NOD1: variants seen among roughly 807,000 people sequenced by gnomAD.
NOD1 encodes nucleotide binding oligomerization domain containing 1.
In NOD1, 70 loss-of-function variants were observed where a neutral mutation model predicts 81.2. The observed-to-expected ratio is 0.86, with a 90% CI of 0.71 to 1.05. The LOEUF (loss-of-function observed/expected upper bound fraction) is 1.05. NOD1 is among the 50% of genes least tolerant of loss of function. The pLI is 0.00. For missense variants in NOD1, 1,233 were observed against 1,228.0 expected, an observed-to-expected ratio of 1.00 and a Z score of -0.06; for synonymous variants, 508 against 526.9, an observed-to-expected ratio of 0.96 and a Z score of 0.49.
At chr7:30,447,081 C>T in intron 7 of NOD1, 31 bp from the exon 8 acceptor site, 1 of 1,613,342 alleles carries the variant, frequency 6.2e-7, no homozygotes. Flanking sequence ...ATGAGACTTT[C>T]TGGCTCCTGA....
Position 30,451,913 on chromosome 7 carries a change from G to A in NOD1, c.1504C>T (p.Pro502Ser). 6.2e-7 allele frequency: 1 copy of A among 1,613,528 alleles called. No homozygotes were observed. The highest frequency in any genetic ancestry group is 8.5e-7 in the Non-Finnish European group (1 of 1,179,954). ...DMQLGFLRAL[P>S]ELGPGGDQQS... The stretch of plus-strand genomic sequence containing the variant: ...TGGTCACCCCCGGGGCCCAGCTCCG[G>A]CAAAGCCCGCAGGAAGCCCAGCTGC... The change falls in exon 6 of 14, where the codon CCG becomes TCG. Residue 502 changes from proline to serine, a missense_variant. Coordinates refer to ENST00000222823, the MANE Select transcript of NOD1 (RefSeq NM_006092.4). The surrounding 1 kb of genome is among the most constrained non-coding windows in gnomAD (Gnocchi z 4.2).
chr7:30,448,049 A>G, intron 7 of NOD1: 1 of 501,842 alleles, frequency 2.0e-6, no homozygotes, highest in Non-Finnish European at 3.6e-6. Context: ...TGCATCCCCC[A>G]ATAACCAGTT....
chr7:30,475,700 A>ACAGGAATCTCTGCC lies in NOD1; in HGVS notation c.-352+2892_-352+2905dup, dbSNP rs1382796151. 2.0e-5 allele frequency: 3 copies of ACAGGAATCTCTGCC among 152,254 alleles called. No homozygotes were observed. The East Asian group carries it at 5.8e-4, about 29-fold the overall frequency. 9.4% of individuals were successfully genotyped at this position (152,254 alleles called of 1,614,324 possible). A position where few individuals can be genotyped will look rare whatever the true frequency, so the allele number is the denominator to read the frequency against. On this transcript the variant is annotated intron_variant, in intron 1 of 13. Coordinates refer to ENST00000222823, the MANE Select transcript of NOD1 (RefSeq NM_006092.4). ...GCATGCCTGCCTTAGCCAACTCTGCACAGGAATCTCTGCCCACAGTTTGGA... is the reference window on the plus strand; with the variant it reads ...GCATGCCTGCCTTAGCCAACTCTGCACAGGAATCTCTGCCCAGGAATCTCTGCCCACAGTTTGGA...
At chr7:30,431,907 C>G (rs947682407) in intron 12 of NOD1, among the ~76,000 whole-genome samples, 1 of 152,158 alleles carries the variant, frequency 6.6e-6, no homozygotes, top group Non-Finnish European at 1.5e-5. Context: ...GAGTTCAAGA[C>G]CAGCCTGGGC....
chr7:30,446,124 C>T lies in NOD1; in HGVS notation c.2453+17G>A, dbSNP rs527328542. 1.7e-5 allele frequency: 27 copies of T among 1,597,952 alleles called. No homozygotes were observed. In the South Asian group the frequency reaches 2.9e-4, roughly 17 times the overall value. ...CACAGCAGGTTGTACCACATACATC[C>T]ATCCCCTTCTACTCACCCAACCTCA... is the stretch of plus-strand genomic sequence containing the variant. On this transcript the variant is annotated intron_variant, in intron 9 of 13. Coordinates refer to ENST00000222823, the MANE Select transcript of NOD1 (RefSeq NM_006092.4).
intron 4 of NOD1, among the ~76,000 whole-genome samples, chr7:30,456,381 C>T (rs1295786723): frequency 6.6e-6 from 1 of 152,166 alleles, no homozygotes; most frequent in Non-Finnish European, 1.5e-5. Flanking sequence ...GCCCTCCAGC[C>T]TTCAGAGGCA....
intron 9 of NOD1, among the ~76,000 whole-genome samples, chr7:30,438,102 GAC>G (rs1199081017): frequency 1.3e-5 from 2 of 152,210 alleles, no homozygotes; most frequent in Non-Finnish European, 2.9e-5. Context: ...CATTCCTGAA[GAC>G]ACAGTCTTCC....
intron 4 of NOD1, among the ~76,000 whole-genome samples, chr7:30,456,484 C>A (rs768668247): frequency 1.4e-4 from 21 of 152,164 alleles, no homozygotes; most frequent in Non-Finnish European, 2.9e-4. Context: ...GTCTGGGAAC[C>A]AATACACACA....
Position 30,437,576 on chromosome 7 carries a change from A to T in NOD1, c.2534T>A (p.Leu845Gln), listed in dbSNP as rs1365146191. ...GAGACAGCAGGGCCACAGTTACCTC[A>T]GGGTGGTCAAGCTGGGGTGGTTCCG... ...ALRNHPSLTT[L>Q]SLASNGISTE... Residue 845 changes from leucine to glutamine, a missense_variant, in exon 10 of 14, where the codon CTG becomes CAG. Transcript: ENST00000222823. 6.6e-7 allele frequency: 1 copy of T among 1,504,262 alleles called. No individual in the cohort carries two copies. Among genetic ancestry groups the T allele is most frequent in the Non-Finnish European group, 8.8e-7 (1 of 1,138,752 alleles). The allele number at this position is 1,504,262 out of a possible 1,614,324, so 93.2% of individuals were successfully genotyped here. A position where few individuals can be genotyped will look rare whatever the true frequency, so the allele number is the denominator to read the frequency against.
intron 12 of NOD1, among the ~76,000 whole-genome samples, chr7:30,432,553 A>G (rs1394118426): frequency 6.6e-6 from 1 of 152,266 alleles, no homozygotes; most frequent in Non-Finnish European, 1.5e-5. Flanking sequence ...AAAAAGTTAC[A>G]GAATTGCCAT....
At chr7:30,431,982 G>A (rs1783992253) in intron 12 of NOD1, among the ~76,000 whole-genome samples, 1 of 152,116 alleles carries the variant, frequency 6.6e-6, no homozygotes, top group Admixed American at 6.5e-5. Context: ...GCTGATGCCT[G>A]TAATCCCAAC....
intron 1 of NOD1, among the ~76,000 whole-genome samples, chr7:30,469,936 G>A (rs1428736431): frequency 9.4e-5 from 14 of 148,656 alleles, no homozygotes; most frequent in Admixed American, 9.2e-4. Flanking sequence ...TGGGAAAAGG[G>A]TAGGGTTCCC....
chr7:30,429,606 G>A (rs371828454), intron 12 of NOD1, 149 bp from the exon 13 acceptor site: 9 of 671,088 alleles, frequency 1.3e-5, no homozygotes, highest in Middle Eastern at 2.5e-4. Context: ...GGCTAAAAGT[G>A]TCCAGGTAAG....
chr7:30,433,331 G>A, intron 11 of NOD1, 152 bp from the exon 12 acceptor site: 1 of 616,824 alleles, frequency 1.6e-6, no homozygotes, highest in Non-Finnish European at 2.9e-6. Flanking sequence ...TCCAAGCCCA[G>A]CCTGTCAGCC....
In NOD1 at chr7:30,457,002, C is replaced by G; in HGVS notation, c.-81G>C. On this transcript the variant is annotated 5_prime_UTR_variant, in exon 4 of 14. Coordinates refer to ENST00000222823, the MANE Select transcript of NOD1 (RefSeq NM_006092.4). ...TCTCAGCAGAAGGGCAATCAGGATT[C>G]AGGCCGCGCCCTCCAGGGCCCCTGC... is the stretch of plus-strand genomic sequence containing the variant. The G allele has an allele frequency of 8.3e-7, 1 of 1,207,346 alleles. No homozygotes were observed. Among genetic ancestry groups the G allele is most frequent in the South Asian group, 1.2e-5 (1 of 81,024 alleles). 74.8% of individuals were successfully genotyped at this position (1,207,346 alleles called of 1,614,324 possible).
rs1335501477 is a variant in NOD1, at chr7:30,467,357, T to A, written c.-351-7316A>T. Among the ~76,000 whole-genome samples the A allele has an allele frequency of 6.6e-6, 1 of 150,992 alleles. No homozygotes were observed. The highest frequency in any genetic ancestry group is 1.5e-5 in the Non-Finnish European group (1 of 67,604). ...TTTATTCGTAATGTTTTTTTTTTTA[T>A]AAGAAGGCTATACACTTGCATGATT... On this transcript the variant is annotated intron_variant, in intron 1 of 13. Transcript: ENST00000222823. This position sits in a 1 kb window ranked among gnomAD's most constrained non-coding sequence, Gnocchi z 4.5.
At chr7:30,453,991 G>GA (rs558964098) in intron 5 of NOD1, among the ~76,000 whole-genome samples, 110 of 152,334 alleles carry the variant, frequency 7.2e-4, no homozygotes, top group African/African-American at 2.6e-3. Flanking sequence ...GAAGTCTTTC[G>GA]AAAGAATGAT....
At chr7:30,426,578 C>T (rs906606174) in intron 13 of NOD1, among the ~76,000 whole-genome samples, 2 of 152,166 alleles carry the variant, frequency 1.3e-5, no homozygotes, top group South Asian at 2.1e-4. Flanking sequence ...AAGAATTGGT[C>T]TTTTTGCATT....
Position 30,425,575 on chromosome 7 carries a change from C to A in NOD1, c.*63G>T, listed in dbSNP as rs1442899476. The stretch of plus-strand genomic sequence containing the variant: ...TTTAAGACACTGACACAAAAGACTG[C>A]CCAGAGTGGCATTTGCTGCTGAGGC... On this transcript the variant is annotated 3_prime_UTR_variant, in exon 14 of 14. Transcript: ENST00000222823. 8.2e-7 allele frequency: 1 copy of A among 1,212,172 alleles called. No individual in the cohort carries two copies. Among genetic ancestry groups the A allele is most frequent in the Non-Finnish European group, 1.2e-6 (1 of 813,266 alleles). 75.1% of individuals were successfully genotyped at this position (1,212,172 alleles called of 1,614,324 possible).
Sources: allele counts gnomAD v4.1 joint callset (sites outside exome capture counted in the v4.1 genomes callset), GRCh38; gene constraint gnomAD v4.1.1; non-coding constraint Gnocchi (gnomAD v3.1); transcripts MANE v1.5; gene names NCBI Gene and HGNC (gene_info 2026-07-23, HGNC 2026-07-21).